NACA: variants seen among roughly 807,000 people sequenced by gnomAD.
NACA encodes nascent polypeptide associated complex subunit alpha.
NACA carries 42 observed loss-of-function variants against 86.4 expected under a neutral mutation model. The ratio of observed to expected loss-of-function variants is 0.49; its 90% CI spans 0.38 to 0.63. The LOEUF (loss-of-function observed/expected upper bound fraction) is 0.63. NACA is among the 20% of genes least tolerant of loss of function. The pLI is 0.00. For missense variants in NACA, 2,157 were observed against 2,483.6 expected, an observed-to-expected ratio of 0.87 and a Z score of 2.80; for synonymous variants, 898 against 973.7, an observed-to-expected ratio of 0.92 and a Z score of 1.45.
At chr12:56,724,380 C>T (rs1953652913) in intron 2 of NACA, 72 bp downstream of exon 2, 10 of 1,469,068 alleles carry the variant, frequency 6.8e-6, no homozygotes, top group Non-Finnish European at 8.3e-6. Context: ...TGTATTTCCC[C>T]TTGGTCATTT....
At chr12:56,712,700 T>G (rs1953251198) in intron 8 of NACA, 86 bp downstream of exon 8, 1 of 1,605,252 alleles carries the variant, frequency 6.2e-7, no homozygotes, top group Non-Finnish European at 8.5e-7. Flanking sequence ...GGTTCCTTAA[T>G]TGGCTGATAT....
At chr12:56,724,881 G>A (rs1364417225) in intron 1 of NACA, 1 of 247,360 alleles carries the variant, frequency 4.0e-6, no homozygotes, top group African/African-American at 2.3e-5. Context: ...GTACCAGGAG[G>A]GGAAAGACGG....
chr12:56,719,591 C>A lies in NACA; in HGVS notation c.1939G>T (p.Ala647Ser), dbSNP rs1953512907. 1 of 1,613,926 alleles carries A rather than the reference C, an allele frequency of 6.2e-7. No homozygotes were observed. The highest frequency in any genetic ancestry group is 1.7e-4 in the Middle Eastern group (1 of 6,060). The stretch of plus-strand genomic sequence containing the variant: ...GGGTCAGCACTTTCCAAAGGAAATG[C>A]AGCCACTGTTGGGGTAATGAGAGAA... Reference protein sequence around the residue: ...KSSLITPTVAAFPLESADPAG... With the variant: ...KSSLITPTVASFPLESADPAG... The change falls in exon 3 of 9, where the codon GCA becomes TCA. Residue 647 changes from alanine to serine, a missense_variant. By Grantham distance (99) the Ala-to-Ser change is moderately conservative. Transcript: ENST00000454682.
In NACA at chr12:56,715,845, T is replaced by C. The variant is rs747367803; in HGVS notation, c.5659+26A>G. 9 of 1,502,476 alleles carry C rather than the reference T, an allele frequency of 6.0e-6. No homozygotes were observed. In the African/African-American group the frequency reaches 7.0e-5, roughly 12 times the overall value. 93.1% of individuals were successfully genotyped at this position (1,502,476 alleles called of 1,614,324 possible). ...AGGGGTGTGGACGACAGACACACCA[T>C]GCACACGGCAAACCAAGGCAAATAC... On this transcript the variant is annotated intron_variant, in intron 3 of 8. Coordinates refer to ENST00000454682, the MANE Select transcript of NACA (RefSeq NM_001365896.1).
At position 56,719,584 on chromosome 12, in the gene NACA, G is replaced by C; in HGVS notation, c.1946C>G (p.Pro649Arg). The change falls in exon 3 of 9, where the codon CCT (proline) becomes CGT (arginine). Residue 649 changes from proline (P) to arginine (R), a missense_variant. Around this residue, in one of 8 missense-constraint regions of NACA, gnomAD observed 947 missense variants for 917.9 expected, o/e 1.03. Coordinates refer to ENST00000454682, the MANE Select transcript of NACA (RefSeq NM_001365896.1). ...SLITPTVAAF[P>R]LESADPAGVA... is the part of the protein sequence containing the mutation. ...CCCGGCAGGGTCAGCACTTTCCAAAGGAAATGCAGCCACTGTTGGGGTAAT... is the reference window on the plus strand; with the variant it reads ...CCCGGCAGGGTCAGCACTTTCCAAACGAAATGCAGCCACTGTTGGGGTAAT... 6.2e-7 allele frequency: 1 copy of C among 1,613,958 alleles called. No individual in the cohort carries two copies. Among genetic ancestry groups the C allele is most frequent in the Non-Finnish European group, 8.5e-7 (1 of 1,179,872 alleles).
intron 5 of NACA, 190 bp downstream of exon 5, chr12:56,714,172 A>G (rs2137800325): frequency 3.4e-6 from 2 of 585,008 alleles, no homozygotes; most frequent in East Asian, 5.9e-5. Context: ...ACGGGATTCT[A>G]CCACTACTAA....
Position 56,724,448 on chromosome 12 carries a change from C to A in NACA, c.70+4G>T. On this transcript the variant is annotated splice_donor_region_variant and intron_variant, in intron 2 of 8. Transcript: ENST00000454682. ...TTAATGGCAAGGAGGGTAGGGAAAC[C>A]TACCTGTCTCAGCCTGGGGCTGCGG... The A allele has an allele frequency of 6.2e-7, 1 of 1,608,488 alleles. No individual in the cohort carries two copies. Among genetic ancestry groups the A allele is most frequent in the Non-Finnish European group, 8.5e-7 (1 of 1,177,478 alleles).
At position 56,720,830 on chromosome 12, in the gene NACA, T is replaced by TG; in HGVS notation, c.699_700insC (p.Thr234HisfsTer38). On this transcript the variant is annotated frameshift_variant, in exon 3 of 9. Coordinates refer to ENST00000454682, the MANE Select transcript of NACA (RefSeq NM_001365896.1). LOFTEE classifies it high-confidence loss of function. ...GCGATGGCTAGGGTAGTTGTGGGTG[T>TG]TGTCTGAGGAAGGGAGGCCACTCCA... 3 of 1,613,924 alleles carry TG rather than the reference T, an allele frequency of 1.9e-6. No homozygotes were observed. Among genetic ancestry groups the TG allele is most frequent in the Non-Finnish European group, 1.7e-6 (2 of 1,179,872 alleles).
In NACA at chr12:56,720,238, ATTTGGGCCAC is replaced by A; in HGVS notation, c.1282_1291del (p.Val428CysfsTer13). ...GGTGGTTCCAACAGAAGAAACGGGC[ATTTGGGCCAC>A]TAAAGGATAATGATAAGTGGCATTA... On this transcript the variant is annotated frameshift_variant, in exon 3 of 9. Transcript: ENST00000454682. LOFTEE classifies it high-confidence loss of function. 6.2e-7 allele frequency: 1 copy of A among 1,613,960 alleles called. No individual in the cohort carries two copies. Among genetic ancestry groups the A allele is most frequent in the Non-Finnish European group, 8.5e-7 (1 of 1,179,874 alleles).
rs1396925777 is a variant in NACA at position 56,717,210 on chromosome 12, A to AG, written c.4319dup (p.Val1441CysfsTer96). ...TTGCTGGGGCCTTTTTGAGGGAGAC[A>AG]GGAGTCACTGCTGGGGGAGTGAGAT... On this transcript the variant is annotated frameshift_variant, in exon 3 of 9. Transcript: ENST00000454682. LOFTEE classifies it high-confidence loss of function. The AG allele has an allele frequency of 7.7e-7, 1 of 1,297,714 alleles. No individual in the cohort carries two copies. The highest frequency in any genetic ancestry group is 3.0e-5 in the Admixed American group (1 of 33,780). The allele number at this position is 1,297,714 out of a possible 1,614,324, so 80.4% of individuals were successfully genotyped here.
At position 56,717,188 on chromosome 12, in the gene NACA, C is replaced by A. The variant is rs766646895; in HGVS notation, c.4342G>T (p.Ala1448Ser). ...VTPVSLKKAP[A>S]TSAPKGGPAT... ...GGGCCTCCTTTGGGGGCTGAAGTTG[C>A]TGGGGCCTTTTTGAGGGAGACAGGA... The change falls in exon 3 of 9, where the codon GCA becomes TCA. Residue 1448 changes from alanine to serine, a missense_variant. Coordinates refer to ENST00000454682, the MANE Select transcript of NACA (RefSeq NM_001365896.1). 8.0e-7 allele frequency: 1 copy of A among 1,244,500 alleles called. No individual in the cohort carries two copies. Among genetic ancestry groups the A allele is most frequent in the African/African-American group, 1.6e-5 (1 of 61,546 alleles). 77.1% of individuals were successfully genotyped at this position (1,244,500 alleles called of 1,614,324 possible). A position where few individuals can be genotyped will look rare whatever the true frequency, so the allele number is the denominator to read the frequency against.
Position 56,718,975 on chromosome 12 carries a change from G to C in NACA, c.2555C>G (p.Thr852Arg), listed in dbSNP as rs372688513. 6.9e-7 allele frequency: 1 copy of C among 1,447,484 alleles called. No individual in the cohort carries two copies. The highest frequency in any genetic ancestry group is 1.8e-5 in the Admixed American group (1 of 54,892). The allele number at this position is 1,447,484 out of a possible 1,614,324, so 89.7% of individuals were successfully genotyped here. The change falls in exon 3 of 9, where the codon ACG becomes AGG. Residue 852 changes from threonine to arginine, a missense_variant. This residue lies in a region of NACA where 174 missense variants were observed against 217.0 expected (regional missense o/e 0.80). Transcript: ENST00000454682. ...SFQGSKDSPA[T>R]THSPTPPSPK... ...GGATGGAGGAGTGGGAGAATGCGTC[G>C]TGGCTGGTGAGTCTTTAGAGCCTTG...
chr12:56,714,608 T>C lies in NACA; in HGVS notation c.5739A>G (p.Gln1913=), dbSNP rs2137801581. The C allele has an allele frequency of 2.5e-6, 4 of 1,614,186 alleles. No individual in the cohort carries two copies. The highest frequency in any genetic ancestry group is 4.5e-5 in the East Asian group (2 of 44,882). The change falls in exon 4 of 9, where the codon CAA becomes CAG. Residue 1913 remains glutamine, a synonymous_variant. Coordinates refer to ENST00000454682, the MANE Select transcript of NACA (RefSeq NM_001365896.1). ...TTAGTAAGAGAATACCCACCTGGGC[T>C]TGTTGTGTGGTTGCCTGGGTGGAAT... ...EQDSTQATTQ[Q]AQLAAAAEID...
Position 56,717,278 on chromosome 12 carries a change from T to C in NACA, c.4252A>G (p.Thr1418Ala). 1 of 1,325,308 alleles carries C rather than the reference T, an allele frequency of 7.5e-7. No homozygotes were observed. Among genetic ancestry groups the C allele is most frequent in the Non-Finnish European group, 9.8e-7 (1 of 1,016,448 alleles). 82.1% of individuals were successfully genotyped at this position (1,325,308 alleles called of 1,614,324 possible). ...GCTGCGCCTTCTCTGGTGACTGGAG[T>C]TGCTGGAGCCTTTTTGGGGGAGAGA... Reference protein sequence around the residue: ...IPLSPKKAPATPVTREGAATP... With the variant: ...IPLSPKKAPAAPVTREGAATP... Residue 1418 changes from threonine (T) to alanine (A), a missense_variant, in exon 3 of 9, where the codon ACT becomes GCT. Thr to Ala is a moderately conservative substitution (Grantham distance 58). This residue lies in a region of NACA where 797 missense variants were observed against 777.6 expected (regional missense o/e 1.02). Transcript: ENST00000454682.
rs747143650 is a variant in NACA, at chr12:56,717,660, T to G, written c.3870A>C (p.Ala1290=). The G allele has an allele frequency of 8.6e-7, 1 of 1,158,626 alleles. No individual in the cohort carries two copies. Among genetic ancestry groups the G allele is most frequent in the Admixed American group, 3.8e-5 (1 of 25,992 alleles). The allele number at this position is 1,158,626 out of a possible 1,614,324, so 71.8% of individuals were successfully genotyped here. ...CTTTTGGAGAGGGAGGAGTTACAAC[T>G]GCGGGATTGGGGGCCCCTTTGTGGG... The part of the protein sequence containing the change: ...TPPHKGAPNP[A]VVTPPSPKGG... Residue 1290 remains alanine (A), a synonymous_variant, in exon 3 of 9, where the codon GCA becomes GCC. Transcript: ENST00000454682.
intron 2 of NACA, 127 bp downstream of exon 2, chr12:56,724,325 G>A: frequency 1.2e-6 from 1 of 809,886 alleles, no homozygotes; most frequent in Non-Finnish European, 1.9e-6. Context: ...GTAATTTTAC[G>A]GTCTATCCTC....
intron 2 of NACA, 100 bp downstream of exon 2, chr12:56,724,352 C>A (rs975516890): frequency 6.7e-6 from 8 of 1,196,642 alleles, no homozygotes; most frequent in South Asian, 4.4e-5. Context: ...AAAGCTGCAA[C>A]CCCATCCTCC....
rs1252451105 is a variant in NACA, at chr12:56,720,783, G to A, written c.747C>T (p.Thr249=). Residue 249 remains threonine, a synonymous_variant, in exon 3 of 9, where the codon ACC becomes ACT. Transcript: ENST00000454682. ...LAIASPQVKD[T]TISSVLISPQ... ...GAGAAATCAGAACTGAGGAAATGGT[G>A]GTATCTTTGACTTGAGGGGAAGCGA... 1.4e-5 allele frequency: 22 copies of A among 1,613,832 alleles called. No individual in the cohort carries two copies. Among genetic ancestry groups the A allele is most frequent in the Non-Finnish European group, 1.9e-5 (22 of 1,179,890 alleles).
At position 56,712,479 on chromosome 12, in the gene NACA, A is replaced by G; in HGVS notation, c.*59T>C. On this transcript the variant is annotated 3_prime_UTR_variant, in exon 9 of 9. Transcript: ENST00000454682. ...TTTATTTATGATAGAAACAGTACAA[A>G]TTTCAAACCAAGCTGCAGTTACTCC... 1.9e-6 allele frequency: 3 copies of G among 1,555,538 alleles called. No individual in the cohort carries two copies. Among genetic ancestry groups the G allele is most frequent in the Non-Finnish European group, 1.8e-6 (2 of 1,132,056 alleles).
Sources: gnomAD v4.1 joint callset for allele counts on GRCh38, gnomAD v4.1.1 for gene constraint, gnomAD v4.1.1 regional missense constraint, MANE v1.5 for transcripts, NCBI Gene and HGNC (gene_info 2026-07-23, HGNC 2026-07-21) for gene names.